Variants in ANK3 observed in about 807,000 individuals in gnomAD.
ANK3 encodes the protein ankyrin 3.
In ANK3, 57 loss-of-function variants were observed where a neutral mutation model predicts 370.9. The observed-to-expected ratio is 0.15, with a 90% CI of 0.12 to 0.19. The LOEUF (loss-of-function observed/expected upper bound fraction) is 0.19, where lower values mean the gene tolerates loss of function less well. ANK3 is among the 10% of genes least tolerant of loss of function. ANK3 has a pLI of 1.00. For missense variants in ANK3, 4,439 were observed against 5,302.1 expected, an observed-to-expected ratio of 0.84 and a Z score of 5.06; for synonymous variants, 1,929 against 1,946.3, an observed-to-expected ratio of 0.99 and a Z score of 0.23.
intron 25 of ANK3, among the ~76,000 whole-genome samples, chr10:60,125,604 C>T (rs4146140): frequency 0.28 from 42,525 of 152,106 alleles, 7,323 homozygotes; most frequent in Non-Finnish European, 0.38. Flanking sequence ...TGCCACCATG[C>T]ACGTTTCTGA....
chr10:60,103,502 TG>T (rs2091672925), intron 28 of ANK3, among the ~76,000 whole-genome samples: 1 of 149,856 alleles, frequency 6.7e-6, no homozygotes, highest in East Asian at 2.0e-4. Flanking sequence ...TTTTTTTGGC[TG>T]GTCTGCTTTT....
At chr10:60,045,077 T>C (rs748004721) in intron 42 of ANK3, among the ~76,000 whole-genome samples, 16 of 152,176 alleles carry the variant, frequency 1.1e-4, no homozygotes, top group Admixed American at 5.2e-4. Context: ...CAAAGTTGTT[T>C]CGTAATAAAA....
At chr10:60,550,069 T>G (rs1040432192) in intron 2 of ANK3, among the ~76,000 whole-genome samples, 1 of 152,250 alleles carries the variant, frequency 6.6e-6, no homozygotes, top group South Asian at 2.1e-4. Flanking sequence ...AGAACAGACC[T>G]GTTCAGTAAC....
chr10:60,056,393 C>T (rs929062791), intron 41 of ANK3, among the ~76,000 whole-genome samples: 6 of 152,022 alleles, frequency 3.9e-5, no homozygotes, highest in African/African-American at 1.2e-4. Flanking sequence ...TGCTTGAACC[C>T]GGGAGGTGGA....
chr10:60,467,809 T>C (rs1299485310), intron 2 of ANK3, among the ~76,000 whole-genome samples: 1 of 152,136 alleles, frequency 6.6e-6, no homozygotes, highest in Non-Finnish European at 1.5e-5. Context: ...ACTCGATTTA[T>C]TCCTTGGAAA....
chr10:60,326,053 CACTT>C (rs751078044), intron 1 of ANK3, among the ~76,000 whole-genome samples: 3 of 152,104 alleles, frequency 2.0e-5, no homozygotes, highest in African/African-American at 4.8e-5. Flanking sequence ...TGCATGTTCT[CACTT>C]ACAAGTGGGA....
intron 1 of ANK3, among the ~76,000 whole-genome samples, chr10:60,637,386 TAGAC>T (rs2078569445): frequency 6.6e-6 from 1 of 152,146 alleles, no homozygotes; most frequent in African/African-American, 2.4e-5. Context: ...AAGAAGAAAA[TAGAC>T]AGTGCTATTG....
At chr10:60,461,555 A>G (rs867348622) in intron 2 of ANK3, among the ~76,000 whole-genome samples, 2 of 152,182 alleles carry the variant, frequency 1.3e-5, no homozygotes, top group Non-Finnish European at 2.9e-5. Context: ...ATCTGTATAC[A>G]TAAGACATAC....
chr10:60,334,252 C>T (rs1378683124), intron 1 of ANK3, among the ~76,000 whole-genome samples: 1 of 152,082 alleles, frequency 6.6e-6, no homozygotes, highest in Non-Finnish European at 1.5e-5. Flanking sequence ...TTATTTTGAC[C>T]ACATAAAATA....
chr10:60,446,525 C>A (rs1023700214), intron 2 of ANK3, among the ~76,000 whole-genome samples: 40 of 152,172 alleles, frequency 2.6e-4, no homozygotes, highest in African/African-American at 8.7e-4. Flanking sequence ...CTGGTGTCTT[C>A]TTTGGGTTCA....
At chr10:60,386,356 A>C (rs1027565664) in intron 1 of ANK3, among the ~76,000 whole-genome samples, 1 of 151,830 alleles carries the variant, frequency 6.6e-6, no homozygotes. Context: ...ACTCATTCAA[A>C]CTTTTTTTTT....
intron 7 of ANK3, among the ~76,000 whole-genome samples, chr10:60,245,662 G>A (rs958888614): frequency 6.6e-6 from 1 of 152,164 alleles, no homozygotes; most frequent in Non-Finnish European, 1.5e-5. Flanking sequence ...CCATACTGTA[G>A]TACTTATCAG....
chr10:60,072,951 C>T lies in ANK3; in HGVS notation c.7930G>A (p.Asp2644Asn), dbSNP rs756767147. 1.2e-6 allele frequency: 2 copies of T among 1,614,104 alleles called. No individual in the cohort carries two copies. Among genetic ancestry groups the T allele is most frequent in the South Asian group, 2.2e-5 (2 of 91,088 alleles). ...TGCTGTCTTGCCTTAACCCACTCAT[C>T]ATTGGATGCCAGCAGTTCTGTCAGT... ...VLLTELLASN[D>N]EWVKARQHGP... The change falls in exon 37 of 44, where the codon GAT becomes AAT. Residue 2644 changes from aspartate (D) to asparagine (N), a missense_variant. Asp to Asn is a conservative substitution (Grantham distance 23, BLOSUM62 1). Transcript: ENST00000280772.
intron 18 of ANK3, among the ~76,000 whole-genome samples, chr10:60,174,506 A>C (rs576662336): frequency 6.9e-6 from 1 of 144,514 alleles, no homozygotes; most frequent in African/African-American, 2.6e-5. Flanking sequence ...CTTGAAAATA[A>C]TGTGTCCAAT....
chr10:60,242,854 G>A (rs1039731766), intron 7 of ANK3, among the ~76,000 whole-genome samples: 2 of 152,128 alleles, frequency 1.3e-5, no homozygotes, highest in African/African-American at 4.8e-5. Flanking sequence ...GAGGAAATCT[G>A]TGAAAATCTG....
At chr10:60,280,613 C>A (rs2132709887) in intron 1 of ANK3, among the ~76,000 whole-genome samples, 1 of 152,308 alleles carries the variant, frequency 6.6e-6, no homozygotes, top group South Asian at 2.1e-4. Flanking sequence ...AGGAAAGACA[C>A]TGCAAAGCTG....
intron 2 of ANK3, among the ~76,000 whole-genome samples, chr10:60,483,377 T>C (rs1433364854): frequency 6.6e-6 from 1 of 152,188 alleles, no homozygotes; most frequent in Non-Finnish European, 1.5e-5. Context: ...TTGCATGTAA[T>C]GGGATTTTCA....
intron 2 of ANK3, among the ~76,000 whole-genome samples, chr10:60,512,703 T>C (rs939404007): frequency 6.6e-6 from 1 of 152,156 alleles, no homozygotes; most frequent in Non-Finnish European, 1.5e-5. Context: ...AATAAGATTT[T>C]TTAGAATATT....
intron 1 of ANK3, among the ~76,000 whole-genome samples, chr10:60,658,141 T>C (rs537824302): frequency 2.0e-5 from 3 of 152,182 alleles, no homozygotes; most frequent in Admixed American, 6.6e-5. Flanking sequence ...GCTTTTCTTA[T>C]ATAGTCTGAC....
Sources: gnomAD v4.1 joint callset for allele counts (sites outside exome capture counted in the v4.1 genomes callset) on GRCh38, gnomAD v4.1.1 for gene constraint, MANE v1.5 for transcripts, NCBI Gene and HGNC (gene_info 2026-07-23, HGNC 2026-07-21) for gene names.